ATRN: variants seen among roughly 807,000 people sequenced by gnomAD.
ATRN encodes attractin.
ATRN carries 54 observed loss-of-function variants against 178.7 expected under a neutral mutation model. The observed-to-expected ratio is 0.30, with a 90% CI of 0.24 to 0.38. The LOEUF (loss-of-function observed/expected upper bound fraction) is 0.38, where lower values mean the gene tolerates loss of function less well. Among genes scored for constraint, ATRN ranks in the 10% least tolerant of loss-of-function variants. ATRN has a pLI of 1.00. For missense variants in ATRN, 1,443 were observed against 1,815.1 expected (o/e 0.79, Z 3.73); for synonymous variants, 636 against 663.0 (o/e 0.96, Z 0.63).
intron 1 of ATRN, among the ~76,000 whole-genome samples, chr20:3,513,965 G>A (rs1251370972): frequency 6.6e-6 from 1 of 152,162 alleles, no homozygotes; most frequent in African/African-American, 2.4e-5. Flanking sequence ...GTTTGCTGAA[G>A]TTGCTTATCA....
At chr20:3,594,269 C>T (rs1258267028) in intron 19 of ATRN, among the ~76,000 whole-genome samples, 2 of 152,206 alleles carry the variant, frequency 1.3e-5, no homozygotes, top group Non-Finnish European at 2.9e-5. Flanking sequence ...ATTCACTTTC[C>T]TCCTGTCCTT....
At chr20:3,601,697 CAAAAAAA>C (rs11475145) in intron 23 of ATRN, among the ~76,000 whole-genome samples, 3 of 84,866 alleles carry the variant, frequency 3.5e-5, no homozygotes, top group African/African-American at 1.4e-4. Flanking sequence ...ACCCTGTCTA[CAAAAAAA>C]AAAAAAAAAA....
At chr20:3,637,291 C>G (rs538376269) in intron 26 of ATRN, among the ~76,000 whole-genome samples, 1 of 152,232 alleles carries the variant, frequency 6.6e-6, no homozygotes, top group African/African-American at 2.4e-5. Context: ...ATAGTAGTAG[C>G]GGCTGACGCT....
chr20:3,579,012 A>G (rs926818519), intron 15 of ATRN, among the ~76,000 whole-genome samples: 2 of 152,154 alleles, frequency 1.3e-5, no homozygotes, highest in African/African-American at 4.8e-5. Context: ...GAATTGTAAC[A>G]TGTATATGTG....
At chr20:3,492,984 T>C (rs762528028) in intron 1 of ATRN, among the ~76,000 whole-genome samples, 1 of 146,174 alleles carries the variant, frequency 6.8e-6, no homozygotes, top group East Asian at 1.9e-4. Flanking sequence ...AGATAATATA[T>C]AATTATCTAT....
chr20:3,559,539 A>C (rs2085923482), intron 7 of ATRN, 56 bp downstream of exon 7: 5 of 1,399,898 alleles, frequency 3.6e-6, no homozygotes, highest in Admixed American at 3.4e-5. Context: ...CAGTTACTTC[A>C]TGTATTACAT....
Position 3,606,092 on chromosome 20 carries a change from C to G in ATRN, c.3801+1830C>G, listed in dbSNP as rs646589. Among the ~76,000 whole-genome samples the G allele has an allele frequency of 3.8e-3, 571 of 152,254 alleles. 2 individuals carry two copies. The highest frequency in any genetic ancestry group is 0.014 in the Middle Eastern group (4 of 294). ...TAAGATTTGTTAATCCTCTCATCAGCTTCTCCCTTTGCCCTCGCATACTCC... is the reference window on the plus strand; with the variant it reads ...TAAGATTTGTTAATCCTCTCATCAGGTTCTCCCTTTGCCCTCGCATACTCC... On this transcript the variant is annotated intron_variant, in intron 24 of 28. Transcript: ENST00000262919.
chr20:3,618,044 C>T (rs975733003), intron 24 of ATRN, among the ~76,000 whole-genome samples: 1 of 152,186 alleles, frequency 6.6e-6, no homozygotes, highest in Non-Finnish European at 1.5e-5. Flanking sequence ...GGAAGCCGCC[C>T]TTCAGTGGGC....
At chr20:3,644,551 T>C (rs1396492150) in intron 28 of ATRN, among the ~76,000 whole-genome samples, 4 of 152,172 alleles carry the variant, frequency 2.6e-5, no homozygotes, top group Non-Finnish European at 5.9e-5. Context: ...CACCTTCCTT[T>C]GCTGTCGGAG....
intron 24 of ATRN, among the ~76,000 whole-genome samples, chr20:3,613,149 A>T (rs190703266): frequency 6.6e-6 from 1 of 152,334 alleles, no homozygotes; most frequent in Non-Finnish European, 1.5e-5. Flanking sequence ...AGATCCACTT[A>T]TGAATGCTGC....
intron 11 of ATRN, among the ~76,000 whole-genome samples, chr20:3,572,412 A>G (rs1228077647): frequency 6.6e-6 from 1 of 152,148 alleles, no homozygotes; most frequent in East Asian, 1.9e-4. Flanking sequence ...GCCAGGATGA[A>G]AGGATGGAAT....
intron 1 of ATRN, among the ~76,000 whole-genome samples, chr20:3,503,003 G>T (rs766208022): frequency 6.6e-6 from 1 of 152,092 alleles, no homozygotes; most frequent in African/African-American, 2.4e-5. Flanking sequence ...GTGATACTGG[G>T]GAAGCTAGGA....
At chr20:3,629,356 A>G in intron 25 of ATRN, 1 of 946,498 alleles carries the variant, frequency 1.1e-6, no homozygotes, top group Non-Finnish European at 1.3e-6. Context: ...TTCTGCTACC[A>G]GGACCATCTC....
In ATRN at chr20:3,563,389, T is replaced by A. The variant is rs16988703; in HGVS notation, c.1786+26T>A. The A allele has an allele frequency of 3.4e-3, 5,389 of 1,608,252 alleles. 141 individuals carry two copies. The African/African-American group carries it at 0.059, about 18-fold the overall frequency. The stretch of plus-strand genomic sequence containing the variant: ...GTAAGTTTCCCAAAACCATTTTCTC[T>A]TCAGGCATCTTTTTGCCTATACTAT... On this transcript the variant is annotated intron_variant, in intron 10 of 28. Transcript: ENST00000262919.
intron 28 of ATRN, among the ~76,000 whole-genome samples, chr20:3,646,452 T>G (rs1038757470): frequency 6.6e-6 from 1 of 152,074 alleles, no homozygotes; most frequent in Admixed American, 6.5e-5. Flanking sequence ...AGGAGAAGAA[T>G]GTGTATTTGT....
intron 6 of ATRN, among the ~76,000 whole-genome samples, chr20:3,553,641 A>G (rs1163405837): frequency 2.0e-5 from 3 of 152,178 alleles, no homozygotes; most frequent in Non-Finnish European, 4.4e-5. Flanking sequence ...CTCTCCTGCC[A>G]TCATTCACAG....
intron 25 of ATRN, among the ~76,000 whole-genome samples, chr20:3,628,371 G>T (rs1342286850): frequency 6.6e-6 from 1 of 152,106 alleles, no homozygotes; most frequent in Non-Finnish European, 1.5e-5. Context: ...GTTTGAGTTT[G>T]GGAACAAGAC....
intron 1 of ATRN, chr20:3,489,742 C>A (rs1294074581): frequency 1.3e-6 from 2 of 1,539,222 alleles, no homozygotes; most frequent in Admixed American, 1.7e-5. Flanking sequence ...ATGCCATGAG[C>A]ATGATGCTAT....
intron 1 of ATRN, chr20:3,490,191 G>T: frequency 6.6e-7 from 1 of 1,517,964 alleles, no homozygotes. Context: ...CTCTTCTACG[G>T]TCCGCCACAT....
Sources: gnomAD v4.1 joint callset for allele counts (sites outside exome capture counted in the v4.1 genomes callset) on GRCh38, gnomAD v4.1.1 for gene constraint, MANE v1.5 for transcripts, NCBI Gene and HGNC (gene_info 2026-07-23, HGNC 2026-07-21) for gene names.